Variants in NXPH1 observed in about 807,000 individuals in gnomAD.
NXPH1 encodes the protein neurexophilin 1.
A neutral mutation model predicts 23.7 loss-of-function variants in NXPH1; 5 were observed. The ratio of observed to expected loss-of-function variants is 0.21; its 90% CI spans 0.11 to 0.44. The LOEUF is 0.44. Among genes scored for constraint, NXPH1 ranks in the 20% least tolerant of loss-of-function variants. NXPH1 has a pLI of 0.99. For synonymous variants in NXPH1, 144 were observed against 122.2 expected (o/e 1.18, Z -1.18); for missense variants, 324 against 321.6 (o/e 1.01, Z -0.06).
intron 2 of NXPH1, among the ~76,000 whole-genome samples, chr7:8,713,866 C>T (rs934894317): frequency 6.6e-6 from 1 of 152,152 alleles, no homozygotes; most frequent in African/African-American, 2.4e-5. Context: ...AAGGGGTGAA[C>T]ACAAGCACTC....
chr7:8,722,459 A>C (rs1484279457), intron 2 of NXPH1, among the ~76,000 whole-genome samples: 2 of 152,190 alleles, frequency 1.3e-5, no homozygotes, highest in Non-Finnish European at 2.9e-5. Context: ...CTCACTGTTC[A>C]GATAAAAGCC....
At chr7:8,566,107 T>C (rs1186292206) in intron 2 of NXPH1, among the ~76,000 whole-genome samples, 1 of 151,796 alleles carries the variant, frequency 6.6e-6, no homozygotes, top group African/African-American at 2.4e-5. Flanking sequence ...TCCACTTTGC[T>C]TACCAAGTAA....
chr7:8,458,301 T>A (rs1816634936), intron 2 of NXPH1, among the ~76,000 whole-genome samples: 1 of 152,176 alleles, frequency 6.6e-6, no homozygotes, highest in Non-Finnish European at 1.5e-5. Context: ...ATAACCTCTT[T>A]CTAAGTGGGG....
chr7:8,597,042 G>C (rs1819241791), intron 2 of NXPH1, among the ~76,000 whole-genome samples: 1 of 152,096 alleles, frequency 6.6e-6, no homozygotes, highest in Non-Finnish European at 1.5e-5. Context: ...GATAAAGAGA[G>C]CCCTTCCAGG....
chr7:8,710,950 C>G (rs899453584), intron 2 of NXPH1, among the ~76,000 whole-genome samples: 1 of 115,030 alleles, frequency 8.7e-6, no homozygotes, highest in Non-Finnish European at 1.6e-5. Context: ...GCGTGAGCCA[C>G]CGCGCCCGGC....
At chr7:8,503,179 G>C (rs1817465369) in intron 2 of NXPH1, among the ~76,000 whole-genome samples, 1 of 152,008 alleles carries the variant, frequency 6.6e-6, no homozygotes, top group Admixed American at 6.6e-5. Context: ...TCAAAACATT[G>C]ATAACTGGAA....
chr7:8,675,953 T>A (rs1201334234), intron 2 of NXPH1, among the ~76,000 whole-genome samples: 2 of 152,200 alleles, frequency 1.3e-5, no homozygotes, highest in African/African-American at 2.4e-5. Flanking sequence ...CAGCTACCTC[T>A]AATTATCTAG....
intron 2 of NXPH1, among the ~76,000 whole-genome samples, chr7:8,532,394 T>G: frequency 6.7e-6 from 1 of 149,074 alleles, no homozygotes; most frequent in East Asian, 2.0e-4. Context: ...AGCCTGCCCC[T>G]ATGTTGTACC....
At chr7:8,542,613 A>C (rs993606728) in intron 2 of NXPH1, among the ~76,000 whole-genome samples, 2 of 151,654 alleles carry the variant, frequency 1.3e-5, no homozygotes, top group South Asian at 4.1e-4. Flanking sequence ...TATTCAAGTC[A>C]CAAAAACTAG....
At chr7:8,524,794 TGTAA>T (rs1817837587) in intron 2 of NXPH1, among the ~76,000 whole-genome samples, 1 of 152,178 alleles carries the variant, frequency 6.6e-6, no homozygotes, top group Non-Finnish European at 1.5e-5. Flanking sequence ...GCTGCCACCA[TGTAA>T]GATGTGACTT....
chr7:8,748,717 TG>T (rs1015101901), intron 2 of NXPH1, among the ~76,000 whole-genome samples: 15 of 152,236 alleles, frequency 9.9e-5, no homozygotes, highest in African/African-American at 3.6e-4. Flanking sequence ...CAGTTTTTTT[TG>T]TTAGCCTACC....
chr7:8,502,409 A>T (rs1208239350), intron 2 of NXPH1, among the ~76,000 whole-genome samples: 2 of 151,990 alleles, frequency 1.3e-5, no homozygotes, highest in African/African-American at 4.8e-5. Context: ...TAATTTAACA[A>T]ACATTCATAA....
At chr7:8,669,939 A>C (rs1429276838) in intron 2 of NXPH1, among the ~76,000 whole-genome samples, 2 of 152,226 alleles carry the variant, frequency 1.3e-5, no homozygotes, top group Admixed American at 6.5e-5. Context: ...TTCTGCAGGA[A>C]GCCAGGGAAT....
intron 2 of NXPH1, among the ~76,000 whole-genome samples, chr7:8,729,572 T>C (rs1458931493): frequency 7.7e-6 from 1 of 129,780 alleles, no homozygotes; most frequent in African/African-American, 3.3e-5. Context: ...AGAACATCTT[T>C]ATTTCTGCCT....
intron 2 of NXPH1, among the ~76,000 whole-genome samples, chr7:8,494,126 C>T (rs1345501151): frequency 6.6e-6 from 1 of 151,952 alleles, no homozygotes; most frequent in East Asian, 1.9e-4. Flanking sequence ...CAGGGAGGTA[C>T]TACTTGTCAC....
At chr7:8,589,869 T>C (rs1819056220) in intron 2 of NXPH1, among the ~76,000 whole-genome samples, 1 of 152,008 alleles carries the variant, frequency 6.6e-6, no homozygotes. Context: ...ATCCAATAGA[T>C]AGCCACTAGC....
At chr7:8,481,439 G>T (rs1331885540) in intron 2 of NXPH1, among the ~76,000 whole-genome samples, 2 of 152,164 alleles carry the variant, frequency 1.3e-5, no homozygotes, top group Non-Finnish European at 2.9e-5. Flanking sequence ...TTGATTTGAG[G>T]GTTTGAGGGT....
At chr7:8,522,635 T>C (rs1343979428) in intron 2 of NXPH1, among the ~76,000 whole-genome samples, 2 of 152,196 alleles carry the variant, frequency 1.3e-5, no homozygotes, top group African/African-American at 4.8e-5. Context: ...TTTTATTCCA[T>C]TGTCATTTAG....
intron 2 of NXPH1, among the ~76,000 whole-genome samples, chr7:8,726,480 C>T (rs1583248141): frequency 9.2e-6 from 1 of 109,206 alleles, no homozygotes; most frequent in South Asian, 3.8e-4. Flanking sequence ...TGCCGTCCCT[C>T]CCCCCTCCCC....
Sources: allele counts gnomAD v4.1 joint callset (sites outside exome capture counted in the v4.1 genomes callset), GRCh38; gene constraint gnomAD v4.1.1; transcripts MANE v1.5; gene names NCBI Gene and HGNC (gene_info 2026-07-23, HGNC 2026-07-21).